ARHGEF3: variants seen among roughly 807,000 people sequenced by gnomAD.
The protein encoded by ARHGEF3 is Rho guanine nucleotide exchange factor 3.
ARHGEF3 carries 28 observed loss-of-function variants against 63.2 expected under a neutral mutation model. The ratio of observed to expected loss-of-function variants is 0.44; its 90% confidence interval spans 0.33 to 0.61. The LOEUF is 0.61. ARHGEF3 is among the 20% of genes least tolerant of loss of function. ARHGEF3 has a pLI of 0.03. For missense variants in ARHGEF3, 533 were observed against 659.3 expected (o/e 0.81, Z 2.10); for synonymous variants, 266 against 254.2 (o/e 1.05, Z -0.44).
rs1325433925 is a variant in ARHGEF3 at position 56,915,086 on chromosome 3, G to T, written c.130-32732C>A. On this transcript the variant is annotated intron_variant, in intron 3 of 12. Transcript: ENST00000338458. ...GTCATACACAAGAGCTGGAATTAGG[G>T]TTACAGAAATCAGTCCCAGGAACAT... Among the ~76,000 whole-genome samples, 3 of 152,232 alleles carry T rather than the reference G, an allele frequency of 2.0e-5. No homozygotes were observed. In the East Asian group the frequency reaches 5.8e-4, roughly 29 times the overall value.
intron 1 of ARHGEF3, among the ~76,000 whole-genome samples, chr3:56,779,068 A>G (rs2036419700): frequency 6.6e-6 from 1 of 152,136 alleles, no homozygotes; most frequent in Non-Finnish European, 1.5e-5. Flanking sequence ...ACACCTAGTC[A>G]TCGTCAGGCT....
chr3:56,777,355 G>T (rs1224631024), intron 1 of ARHGEF3, among the ~76,000 whole-genome samples: 1 of 152,124 alleles, frequency 6.6e-6, no homozygotes, highest in Non-Finnish European at 1.5e-5. Context: ...AGGCATACAG[G>T]TCATATTTTT....
intron 2 of ARHGEF3, among the ~76,000 whole-genome samples, chr3:57,031,762 T>C (rs1703744656): frequency 7.2e-6 from 1 of 139,752 alleles, no homozygotes; most frequent in South Asian, 2.2e-4. Flanking sequence ...GTGAGGCAGT[T>C]TTGGAAGAAG....
At chr3:56,851,644 T>G (rs2039678839) in intron 4 of ARHGEF3, among the ~76,000 whole-genome samples, 1 of 152,138 alleles carries the variant, frequency 6.6e-6, no homozygotes, top group Admixed American at 6.6e-5. Flanking sequence ...CACCTCAGCC[T>G]CCCAAAGTGC....
At chr3:57,040,248 C>T (rs1281067484) in intron 1 of ARHGEF3, among the ~76,000 whole-genome samples, 10 of 152,218 alleles carry the variant, frequency 6.6e-5, no homozygotes, top group South Asian at 2.1e-4. Context: ...GAGGCCAAGG[C>T]GGGTGGATCA....
chr3:57,068,746 T>C (rs1333840430), intron 1 of ARHGEF3, among the ~76,000 whole-genome samples: 1 of 152,136 alleles, frequency 6.6e-6, no homozygotes. Flanking sequence ...AAACCTCAAC[T>C]GTGTAACGTG....
intron 3 of ARHGEF3, among the ~76,000 whole-genome samples, chr3:56,908,201 C>A (rs1384814788): frequency 1.3e-5 from 2 of 152,206 alleles, no homozygotes; most frequent in Non-Finnish European, 2.9e-5. Flanking sequence ...ACACCAGTGA[C>A]CCCGAGCGGG....
intron 1 of ARHGEF3, among the ~76,000 whole-genome samples, chr3:57,060,132 C>T (rs1010873170): frequency 2.6e-5 from 4 of 152,000 alleles, no homozygotes; most frequent in Non-Finnish European, 5.9e-5. Flanking sequence ...GCTGACTGGA[C>T]AACATAGCGA....
At chr3:56,977,506 CA>C (rs1343966493) in intron 2 of ARHGEF3, 1 of 349,442 alleles carries the variant, frequency 2.9e-6, no homozygotes, top group Non-Finnish European at 5.6e-6. Flanking sequence ...CTTGGAGAGA[CA>C]TGTCCTTTTA....
chr3:56,963,481 A>G (rs1700363320), intron 2 of ARHGEF3, among the ~76,000 whole-genome samples: 1 of 152,202 alleles, frequency 6.6e-6, no homozygotes. Context: ...GTAACCATGA[A>G]AAGAGACTTC....
At chr3:56,792,646 C>T (rs1008741463) in intron 1 of ARHGEF3, among the ~76,000 whole-genome samples, 4 of 152,124 alleles carry the variant, frequency 2.6e-5, no homozygotes, top group African/African-American at 9.7e-5. Flanking sequence ...ATGAAAGTGC[C>T]TAAAACTGTA....
chr3:56,820,133 C>A (rs2038424819), intron 4 of ARHGEF3, among the ~76,000 whole-genome samples: 1 of 152,142 alleles, frequency 6.6e-6, no homozygotes, highest in African/African-American at 2.4e-5. Flanking sequence ...TCATTTATTC[C>A]TACATTCAAC....
chr3:56,762,728 A>G (rs2035490504), intron 2 of ARHGEF3, among the ~76,000 whole-genome samples: 1 of 152,206 alleles, frequency 6.6e-6, no homozygotes, highest in South Asian at 2.1e-4. Context: ...CAGATGGTTT[A>G]TTATCAGGGA....
chr3:56,786,145 G>A (rs538329898), intron 1 of ARHGEF3, among the ~76,000 whole-genome samples: 2 of 152,294 alleles, frequency 1.3e-5, no homozygotes, highest in South Asian at 4.1e-4. Context: ...AGAGCACTCT[G>A]CTCCCAGCCG....
intron 1 of ARHGEF3, among the ~76,000 whole-genome samples, chr3:56,785,561 C>T (rs960360028): frequency 6.6e-6 from 1 of 152,166 alleles, no homozygotes; most frequent in African/African-American, 2.4e-5. Context: ...TAATGTGTAA[C>T]CAAGAAAGGA....
intron 2 of ARHGEF3, among the ~76,000 whole-genome samples, chr3:57,016,387 CA>C (rs35905163): frequency 0.34 from 49,433 of 147,482 alleles, 8,343 homozygotes; most frequent in South Asian, 0.41. Flanking sequence ...ACTAAAAATA[CA>C]AAAAAAAAAA....
intron 4 of ARHGEF3, among the ~76,000 whole-genome samples, chr3:56,875,185 A>G (rs1336369759): frequency 6.6e-6 from 1 of 152,160 alleles, no homozygotes; most frequent in Non-Finnish European, 1.5e-5. Context: ...GTATAGTAGC[A>G]CAGTGCCCAT....
At chr3:56,844,961 TTA>T (rs145937059) in intron 4 of ARHGEF3, among the ~76,000 whole-genome samples, 18,031 of 152,170 alleles carry the variant, frequency 0.12, 1,238 homozygotes, top group Non-Finnish European at 0.15. Context: ...TAAGATTGGG[TTA>T]TGTACTCATA....
In ARHGEF3 at chr3:57,013,018, C is replaced by T. The variant is rs185928276; in HGVS notation, c.62+22070G>A. On this transcript the variant is annotated intron_variant, in intron 2 of 12. Coordinates refer to the ARHGEF3 transcript ENST00000338458. ...GGGGCTTAGCACCCGGGCCAGGCTG[C>T]GGAGGGTGCACCGGATCCCCCAGCA... Among the ~76,000 whole-genome samples the T allele has an allele frequency of 4.6e-5, 7 of 152,304 alleles. No homozygotes were observed. The East Asian group carries it at 1.2e-3, about 25-fold the overall frequency.
Sources: allele counts gnomAD v4.1 joint callset (sites outside exome capture counted in the v4.1 genomes callset), GRCh38; gene constraint gnomAD v4.1.1; transcripts MANE v1.5; gene names NCBI Gene and HGNC (gene_info 2026-07-23, HGNC 2026-07-21).